The following PAM variants were observed in gnomAD, a reference collection of about 807,000 sequenced individuals.
The protein encoded by PAM is peptidylglycine alpha-amidating monooxygenase, also known as peptidyl-glycine alpha-amidating monooxygenase.
PAM carries 72 observed loss-of-function variants against 122.1 expected under a neutral mutation model. That is an observed-to-expected ratio of 0.59 (90% CI 0.49 to 0.72). The LOEUF (loss-of-function observed/expected upper bound fraction) is 0.72. Among genes scored for constraint, PAM ranks in the 30% least tolerant of loss-of-function variants. The probability of loss-of-function intolerance (pLI) is 0.00; values close to 1 mark genes in which losing one functional copy is unlikely to be tolerated. For synonymous variants in PAM, 389 were observed against 404.4 expected (o/e 0.96, Z 0.46); for missense variants, 1,106 against 1,183.7 (o/e 0.93, Z 0.96).
intron 9 of PAM, among the ~76,000 whole-genome samples, chr5:102,948,960 A>G (rs1315483776): frequency 1.3e-5 from 2 of 152,102 alleles, no homozygotes; most frequent in Non-Finnish European, 2.9e-5. Context: ...AATATATTTT[A>G]CGATCCTCTG....
intron 3 of PAM, among the ~76,000 whole-genome samples, chr5:102,868,145 A>T (rs1581131449): frequency 6.6e-6 from 1 of 152,252 alleles, no homozygotes; most frequent in Non-Finnish European, 1.5e-5. Context: ...GTGTGTCATT[A>T]AAAGATAGTC....
At chr5:102,763,100 C>G (rs1752859292) in intron 1 of PAM, among the ~76,000 whole-genome samples, 1 of 152,158 alleles carries the variant, frequency 6.6e-6, no homozygotes, top group East Asian at 1.9e-4. Context: ...ATTATTTGAA[C>G]TAGTTCTTGT....
intron 15 of PAM, among the ~76,000 whole-genome samples, chr5:102,984,421 C>G (rs1445049803): frequency 3.3e-5 from 5 of 152,040 alleles, no homozygotes; most frequent in Non-Finnish European, 7.4e-5. Flanking sequence ...AAAACAAAAA[C>G]AAGCACGAGT....
At chr5:103,001,645 CTG>C (rs1052781945) in intron 16 of PAM, among the ~76,000 whole-genome samples, 111 of 152,178 alleles carry the variant, frequency 7.3e-4, no homozygotes, top group African/African-American at 2.6e-3. Context: ...ACCCAAAAGA[CTG>C]TAACAGTCAA....
chr5:102,901,802 A>G (rs1798007532), intron 4 of PAM, among the ~76,000 whole-genome samples: 1 of 151,532 alleles, frequency 6.6e-6, no homozygotes, highest in Non-Finnish European at 1.5e-5. Context: ...TGGTGAATGT[A>G]AGATTTTACC....
chr5:102,924,655 C>T (rs138584880), intron 5 of PAM, among the ~76,000 whole-genome samples: 1 of 151,772 alleles, frequency 6.6e-6, no homozygotes, highest in African/African-American at 2.4e-5. Flanking sequence ...GCTTTTCTAC[C>T]TGATTACATA....
intron 1 of PAM, among the ~76,000 whole-genome samples, chr5:102,758,502 G>A (rs1751326535): frequency 1.3e-5 from 2 of 152,130 alleles, no homozygotes; most frequent in Admixed American, 6.5e-5. Flanking sequence ...TTTACCATTT[G>A]AATGCGAAAG....
intron 23 of PAM, among the ~76,000 whole-genome samples, chr5:103,021,854 T>A (rs114826410): frequency 1.8e-3 from 275 of 152,296 alleles, no homozygotes; most frequent in African/African-American, 6.3e-3. Flanking sequence ...AATAGCCTTG[T>A]AGTTACATGT....
At chr5:102,767,937 C>T (rs964522958) in intron 1 of PAM, among the ~76,000 whole-genome samples, 3 of 152,144 alleles carry the variant, frequency 2.0e-5, no homozygotes, top group East Asian at 3.9e-4. Context: ...AGTGCTGGGA[C>T]CAGGATTTGA....
At chr5:102,887,470 A>G (rs569841901) in intron 3 of PAM, among the ~76,000 whole-genome samples, 7 of 151,978 alleles carry the variant, frequency 4.6e-5, no homozygotes, top group Admixed American at 3.3e-4. Context: ...ACTCAGCCTC[A>G]GGTATTCTGT....
intron 12 of PAM, among the ~76,000 whole-genome samples, chr5:102,955,849 G>A (rs1469221177): frequency 1.3e-5 from 2 of 151,748 alleles, no homozygotes; most frequent in Admixed American, 1.3e-4. Context: ...ACTCCCTTAG[G>A]AATACAGAAA....
chr5:102,866,304 G>C lies in PAM; in HGVS notation c.89+20G>C, dbSNP rs1785536910. 1 of 1,455,522 alleles carries C rather than the reference G, an allele frequency of 6.9e-7. No individual in the cohort carries two copies. The allele number at this position is 1,455,522 out of a possible 1,614,324, so 90.2% of individuals were successfully genotyped here. A position where few individuals can be genotyped will look rare whatever the true frequency, so the allele number is the denominator to read the frequency against. The stretch of plus-strand genomic sequence containing the variant: ...TAAGAGGTGGGTGTTCGTTGTTCGG[G>C]TGCTTTCTGTGCATGCTGTTGAGAA... On this transcript the variant is annotated intron_variant, in intron 2 of 25. Transcript: ENST00000438793.
intron 1 of PAM, among the ~76,000 whole-genome samples, chr5:102,768,738 T>G (rs1754898316): frequency 6.6e-6 from 1 of 152,232 alleles, no homozygotes; most frequent in Non-Finnish European, 1.5e-5. Context: ...TCCATTGATC[T>G]GTTGATGGAT....
chr5:103,029,130 A>G lies in PAM; in HGVS notation c.*65A>G, dbSNP rs896118457. ...AATGTCAGATTCCTTTCCCTTTAGCACGTTTAAAGTTCTGTGTATTTAATT... is the reference window on the plus strand; with the variant it reads ...AATGTCAGATTCCTTTCCCTTTAGCGCGTTTAAAGTTCTGTGTATTTAATT... On this transcript the variant is annotated 3_prime_UTR_variant, in exon 26 of 26. Transcript: ENST00000438793. 12 of 1,320,356 alleles carry G rather than the reference A, an allele frequency of 9.1e-6. 1 individual carries two copies. The highest frequency in any genetic ancestry group is 1.3e-5 in the Non-Finnish European group (12 of 947,418). 81.8% of individuals were successfully genotyped at this position (1,320,356 alleles called of 1,614,324 possible).
intron 1 of PAM, among the ~76,000 whole-genome samples, chr5:102,795,341 A>G (rs541362399): frequency 1.3e-5 from 2 of 152,210 alleles, no homozygotes; most frequent in African/African-American, 4.8e-5. Context: ...AAAAATTACT[A>G]TTGAGATTTT....
At chr5:102,787,696 A>G (rs1760917541) in intron 1 of PAM, among the ~76,000 whole-genome samples, 1 of 151,940 alleles carries the variant, frequency 6.6e-6, no homozygotes, top group African/African-American at 2.4e-5. Context: ...TTCCTAGGGG[A>G]CCCGTAGTTC....
chr5:102,782,057 A>C (rs576909537), intron 1 of PAM, among the ~76,000 whole-genome samples: 1 of 152,220 alleles, frequency 6.6e-6, no homozygotes, highest in African/African-American at 2.4e-5. Context: ...CTTTGAACTG[A>C]ATAAGGATGG....
chr5:102,840,736 T>A (rs559615256), intron 1 of PAM, among the ~76,000 whole-genome samples: 1 of 152,256 alleles, frequency 6.6e-6, no homozygotes, highest in Non-Finnish European at 1.5e-5. Context: ...CCAATACAGC[T>A]GTTAAGCCTC....
At chr5:102,882,110 T>TACACAC (rs58732753) in intron 3 of PAM, among the ~76,000 whole-genome samples, 8 of 103,784 alleles carry the variant, frequency 7.7e-5, no homozygotes, top group African/African-American at 2.7e-4. Flanking sequence ...TATATATATA[T>TACACAC]ACACCACATT....
Sources: allele counts gnomAD v4.1 joint callset (sites outside exome capture counted in the v4.1 genomes callset), GRCh38; gene constraint gnomAD v4.1.1; transcripts MANE v1.5; gene names NCBI Gene and HGNC (gene_info 2026-07-23, HGNC 2026-07-21).